CTNNA1: variants seen among roughly 807,000 people sequenced by gnomAD.
CTNNA1 encodes catenin alpha-1.
CTNNA1 carries 37 observed loss-of-function variants against 98.4 expected under a neutral mutation model. The ratio of observed to expected loss-of-function variants is 0.38; its 90% CI spans 0.29 to 0.49. The LOEUF is 0.49. Ranked by LOEUF, CTNNA1 falls within the 20% of genes least tolerant of loss-of-function variation. CTNNA1 has a pLI of 0.95. For synonymous variants in CTNNA1, 404 were observed against 413.2 expected, an observed-to-expected ratio of 0.98 and a Z score of 0.27; for missense variants, 761 against 1,147.2, an observed-to-expected ratio of 0.66 and a Z score of 4.86.
At chr5:138,781,568 A>G (rs1755116953) in intron 1 of CTNNA1, among the ~76,000 whole-genome samples, 1 of 152,088 alleles carries the variant, frequency 6.6e-6, no homozygotes. Context: ...AAAAAAAAAA[A>G]AAAGAAAGTA....
At chr5:138,857,039 C>G (rs1231024983) in intron 7 of CTNNA1, among the ~76,000 whole-genome samples, 1 of 152,150 alleles carries the variant, frequency 6.6e-6, no homozygotes, top group African/African-American at 2.4e-5. Flanking sequence ...GCCCATTTCT[C>G]TTGGAGGGAG....
chr5:138,895,607 A>G (rs1174013004), intron 9 of CTNNA1, among the ~76,000 whole-genome samples: 1 of 152,144 alleles, frequency 6.6e-6, no homozygotes, highest in Non-Finnish European at 1.5e-5. Flanking sequence ...TAAAATAAGT[A>G]TTTATAGATT....
chr5:138,880,819 T>G (rs1052510460), intron 7 of CTNNA1: 1 of 321,502 alleles, frequency 3.1e-6, no homozygotes, highest in African/African-American at 2.2e-5. Flanking sequence ...AGGGGTTAGT[T>G]TGCATGTTTG....
intron 7 of CTNNA1, chr5:138,875,494 G>A: frequency 4.1e-6 from 4 of 985,426 alleles, no homozygotes; most frequent in Non-Finnish European, 4.8e-6. Context: ...TTACAATAAA[G>A]CGAGAAAGAA....
At chr5:138,764,936 C>T (rs1157275199) in intron 1 of CTNNA1, among the ~76,000 whole-genome samples, 2 of 126,932 alleles carry the variant, frequency 1.6e-5, no homozygotes, top group Non-Finnish European at 1.5e-5. Flanking sequence ...TGCAGTGATG[C>T]GATCTCTCTT....
chr5:138,921,596 A>ATTTTTTTTT lies in CTNNA1; in HGVS notation c.1547-2899_1547-2891dup, dbSNP rs386405098. 3.9e-4 allele frequency among the ~76,000 whole-genome samples: 41 copies of ATTTTTTTTT among 104,036 alleles called. 3 individuals are homozygous for ATTTTTTTTT. Among genetic ancestry groups the ATTTTTTTTT allele is most frequent in the African/African-American group, 1.3e-3 (32 of 24,472 alleles). 68.3% of individuals were successfully genotyped at this position (104,036 alleles called of 152,430 possible). A position where few individuals can be genotyped will look rare whatever the true frequency, so the allele number is the denominator to read the frequency against. On this transcript the variant is annotated intron_variant, in intron 11 of 17. Transcript: ENST00000302763. ...AAGTGGTGAAGTTAGATTAGTGGTG[A>ATTTTTTTTT]TTTTTTTTTTTTTTTTTTTTTTTGA...
At chr5:138,780,161 C>G (rs1186786266) in intron 1 of CTNNA1, among the ~76,000 whole-genome samples, 1 of 151,726 alleles carries the variant, frequency 6.6e-6, no homozygotes, top group Non-Finnish European at 1.5e-5. Flanking sequence ...TACAAATGTA[C>G]TTTTTAAAGA....
chr5:138,931,650 A>G, intron 16 of CTNNA1: 1 of 985,426 alleles, frequency 1.0e-6, no homozygotes, highest in African/African-American at 1.7e-5. Flanking sequence ...GCAGATCTCC[A>G]TAGCCACTTG....
chr5:138,861,174 C>T (rs375425), intron 7 of CTNNA1, among the ~76,000 whole-genome samples: 3 of 152,120 alleles, frequency 2.0e-5, no homozygotes, highest in African/African-American at 7.2e-5. Context: ...GCACGCACCA[C>T]CATGCCTGGC....
chr5:138,859,570 G>A (rs1036314054), intron 7 of CTNNA1, among the ~76,000 whole-genome samples: 5 of 152,280 alleles, frequency 3.3e-5, no homozygotes, highest in African/African-American at 9.6e-5. Flanking sequence ...CTTTCCTAAT[G>A]TGTTCCACTT....
chr5:138,830,364 A>G (rs1037312872), intron 7 of CTNNA1, among the ~76,000 whole-genome samples: 3 of 152,254 alleles, frequency 2.0e-5, no homozygotes, highest in African/African-American at 7.2e-5. Flanking sequence ...TCTGTCTCAA[A>G]AACAAAAAAG....
chr5:138,783,148 C>T (rs760401173), intron 2 of CTNNA1, 29 bp from the exon 3 acceptor site: 2 of 1,510,582 alleles, frequency 1.3e-6, no homozygotes, highest in Non-Finnish European at 1.8e-6. Context: ...TAATTGACTC[C>T]AGTTTAATGT....
intron 7 of CTNNA1, among the ~76,000 whole-genome samples, chr5:138,877,886 TGGGGAGAAAAGCATTTTAGTCAGTTGGA>T (rs1752014226): frequency 6.6e-6 from 1 of 152,130 alleles, no homozygotes; most frequent in South Asian, 2.1e-4. Flanking sequence ...GTTAGTTCCT[TGGGGAGAAAAGCATTTTAGTCAGTTGGA>T]TTAGAGCCAC....
intron 9 of CTNNA1, among the ~76,000 whole-genome samples, chr5:138,901,305 G>A (rs1437070038): frequency 1.3e-5 from 2 of 152,126 alleles, no homozygotes; most frequent in Admixed American, 6.5e-5. Flanking sequence ...TTACAGGGGC[G>A]TGCCACCACG....
intron 3 of CTNNA1, among the ~76,000 whole-genome samples, chr5:138,790,363 T>C (rs1756221009): frequency 6.6e-6 from 1 of 152,246 alleles, no homozygotes; most frequent in African/African-American, 2.4e-5. Flanking sequence ...ACCTGTGTTC[T>C]TACAGGTGTA....
In CTNNA1 at chr5:138,873,954, C is replaced by T; in HGVS notation, c.1063-12258C>T. On this transcript the variant is annotated intron_variant, in intron 7 of 17. Coordinates refer to ENST00000302763, the MANE Select transcript of CTNNA1 (RefSeq NM_001903.5). This position sits in a 1 kb window ranked among gnomAD's most constrained non-coding sequence, Gnocchi z 6.1. ...TGAAGCTCTCTCAGTTTAATTAATC[C>T]TGCAAATCCATTGCGAGCCAAACTT... 1 of 1,614,010 alleles carries T rather than the reference C, an allele frequency of 6.2e-7. No individual in the cohort carries two copies. The highest frequency in any genetic ancestry group is 8.5e-7 in the Non-Finnish European group (1 of 1,179,892).
chr5:138,755,490 G>T (rs879374650), intron 1 of CTNNA1, among the ~76,000 whole-genome samples: 2 of 151,994 alleles, frequency 1.3e-5, no homozygotes, highest in Non-Finnish European at 2.9e-5. Flanking sequence ...CGTACCCAGG[G>T]TTCTTTCCAA....
At chr5:138,768,300 C>T (rs908547546) in intron 1 of CTNNA1, among the ~76,000 whole-genome samples, 1 of 152,042 alleles carries the variant, frequency 6.6e-6, no homozygotes, top group Non-Finnish European at 1.5e-5. Flanking sequence ...CGCTCTGTCA[C>T]CCAGGCTAGA....
Position 138,917,765 on chromosome 5 carries a change from A to G in CTNNA1, c.1413A>G (p.Leu471=). ...AGGTTATTAATGCTGCACTGGCTTT[A>G]GCAGCAAAACCACAGAGTAAACTGG... ...CPQVINAALA[L]AAKPQSKLAQ... is the part of the protein sequence containing the mutation. The change falls in exon 11 of 18, where the codon TTA becomes TTG. Residue 471 remains leucine, a synonymous_variant. Transcript: ENST00000302763. The G allele has an allele frequency of 6.2e-7, 1 of 1,614,178 alleles. No homozygotes were observed. Among genetic ancestry groups the G allele is most frequent in the African/African-American group, 1.3e-5 (1 of 75,056 alleles).
Sources: gnomAD v4.1 joint callset for allele counts (sites outside exome capture counted in the v4.1 genomes callset) on GRCh38, gnomAD v4.1.1 for gene constraint, Gnocchi (gnomAD v3.1) non-coding constraint, MANE v1.5 for transcripts, NCBI Gene and HGNC (gene_info 2026-07-23, HGNC 2026-07-21) for gene names.